The following CHSY3 variants were observed in gnomAD, a reference collection of about 807,000 sequenced individuals.
The protein encoded by CHSY3 is N-acetylgalactosaminyl-proteoglycan 3-beta-glucuronosyltransferase 3.
A neutral mutation model predicts 67.2 loss-of-function variants in CHSY3; 35 were observed. That is an observed-to-expected ratio of 0.52 (90% CI 0.40 to 0.69). The LOEUF is 0.69. Ranked by LOEUF, CHSY3 falls within the 30% of genes least tolerant of loss-of-function variation. CHSY3 has a pLI of 0.00. For synonymous variants in CHSY3, 474 were observed against 434.7 expected (o/e 1.09, Z -1.12); for missense variants, 1,069 against 1,138.5 (o/e 0.94, Z 0.88).
intron 2 of CHSY3, among the ~76,000 whole-genome samples, chr5:130,087,879 T>C (rs1040711971): frequency 2.6e-5 from 4 of 151,332 alleles, no homozygotes; most frequent in African/African-American, 7.3e-5. Context: ...TTAAAGTTCA[T>C]ATGGAACCAA....
At chr5:130,085,483 A>G (rs1288048003) in intron 2 of CHSY3, among the ~76,000 whole-genome samples, 9 of 151,962 alleles carry the variant, frequency 5.9e-5, no homozygotes, top group Non-Finnish European at 8.8e-5. Context: ...TATTGTGTCT[A>G]TTTGATTCTT....
intron 2 of CHSY3, among the ~76,000 whole-genome samples, chr5:130,054,125 T>C (rs1765453947): frequency 1.3e-5 from 2 of 152,176 alleles, no homozygotes; most frequent in African/African-American, 2.4e-5. Context: ...ACGCTTTGTA[T>C]CTCTTGGTAT....
intron 2 of CHSY3, among the ~76,000 whole-genome samples, chr5:130,046,948 G>T (rs1765171890): frequency 6.6e-6 from 1 of 151,332 alleles, no homozygotes; most frequent in Admixed American, 6.6e-5. Context: ...AATATAAATT[G>T]TTAAAATAAA....
At chr5:129,970,289 C>A (rs1762600464) in intron 2 of CHSY3, among the ~76,000 whole-genome samples, 2 of 151,740 alleles carry the variant, frequency 1.3e-5, no homozygotes, top group South Asian at 4.1e-4. Context: ...CAGAGCCTAG[C>A]AGAATGCCTG....
intron 2 of CHSY3, among the ~76,000 whole-genome samples, chr5:130,089,233 G>A (rs968135121): frequency 2.1e-5 from 2 of 97,186 alleles, no homozygotes; most frequent in African/African-American, 4.0e-5. Context: ...GGGGTGGGGG[G>A]TGGGGGGAGG....
At chr5:130,148,359 C>G (rs1769134856) in intron 2 of CHSY3, among the ~76,000 whole-genome samples, 1 of 152,070 alleles carries the variant, frequency 6.6e-6, no homozygotes. Context: ...GCAGTGAACA[C>G]ATGCATGTGT....
chr5:130,154,422 T>A (rs1769315701), intron 2 of CHSY3, among the ~76,000 whole-genome samples: 1 of 152,338 alleles, frequency 6.6e-6, no homozygotes, highest in South Asian at 2.1e-4. Context: ...GACAAAACAT[T>A]ATGATAGCTA....
Position 129,993,332 on chromosome 5 carries a change from G to A in CHSY3, c.1086+84972G>A, listed in dbSNP as rs545867075. 2.0e-4 allele frequency among the ~76,000 whole-genome samples: 30 copies of A among 152,214 alleles called. No homozygotes were observed. In the South Asian group the frequency reaches 4.4e-3, roughly 22 times the overall value. On this transcript the variant is annotated intron_variant, in intron 2 of 2. Coordinates refer to ENST00000305031, the MANE Select transcript of CHSY3 (RefSeq NM_175856.5). ...GGTGTTAAAGTCTCCCACTATTATT[G>A]TGTGGGAGTCTAAGTCTCTTTGTAG...
At chr5:129,932,470 T>C (rs959909567) in intron 2 of CHSY3, among the ~76,000 whole-genome samples, 1 of 152,156 alleles carries the variant, frequency 6.6e-6, no homozygotes, top group African/African-American at 2.4e-5. Flanking sequence ...CAGCCACATC[T>C]AGACTTGTGT....
rs546373303 is a variant in CHSY3 at position 129,986,522 on chromosome 5, G to A, written c.1086+78162G>A. Among the ~76,000 whole-genome samples the A allele has an allele frequency of 4.6e-5, 7 of 152,208 alleles. No individual in the cohort carries two copies. The East Asian group carries it at 1.4e-3, about 29-fold the overall frequency. On this transcript the variant is annotated intron_variant, in intron 2 of 2. Coordinates refer to ENST00000305031, the MANE Select transcript of CHSY3 (RefSeq NM_175856.5). The stretch of plus-strand genomic sequence containing the variant: ...ATGTTTCTGCCAGGTTTTGCTATCA[G>A]AATGATGCTGGCCACATAGAATGAT...
At chr5:129,975,861 A>G (rs1439669921) in intron 2 of CHSY3, among the ~76,000 whole-genome samples, 1 of 152,036 alleles carries the variant, frequency 6.6e-6, no homozygotes, top group Non-Finnish European at 1.5e-5. Flanking sequence ...GGGTTGTTGC[A>G]TGGATAAAAT....
chr5:129,969,188 C>CA (rs2149612595), intron 2 of CHSY3, among the ~76,000 whole-genome samples: 1 of 151,698 alleles, frequency 6.6e-6, no homozygotes, highest in East Asian at 1.9e-4. Flanking sequence ...AATGATACTT[C>CA]AAAAAATTTA....
At chr5:129,980,867 A>C (rs1284065983) in intron 2 of CHSY3, among the ~76,000 whole-genome samples, 1 of 152,058 alleles carries the variant, frequency 6.6e-6, no homozygotes, top group Admixed American at 6.6e-5. Flanking sequence ...CATTTGTTGA[A>C]AAAACCATAA....
chr5:130,177,582 A>G (rs893548070), intron 2 of CHSY3, among the ~76,000 whole-genome samples: 1 of 152,090 alleles, frequency 6.6e-6, no homozygotes, highest in Non-Finnish European at 1.5e-5. Flanking sequence ...TGACTATTTG[A>G]TTACTTTTTG....
At chr5:130,165,241 T>C (rs1351598901) in intron 2 of CHSY3, among the ~76,000 whole-genome samples, 1 of 152,076 alleles carries the variant, frequency 6.6e-6, no homozygotes, top group East Asian at 1.9e-4. Context: ...GCAGACAAAG[T>C]TCTTGGGATT....
chr5:130,048,243 A>G (rs1193866157), intron 2 of CHSY3, among the ~76,000 whole-genome samples: 1 of 151,972 alleles, frequency 6.6e-6, no homozygotes, highest in Non-Finnish European at 1.5e-5. Flanking sequence ...TATTATTTTT[A>G]CTATTGTGAT....
intron 2 of CHSY3, among the ~76,000 whole-genome samples, chr5:130,033,855 A>G (rs1172797719): frequency 1.3e-5 from 2 of 152,206 alleles, no homozygotes; most frequent in African/African-American, 2.4e-5. Context: ...GTACAAATCA[A>G]GAGAGTAAAT....
At chr5:130,021,246 T>C (rs2149653914) in intron 2 of CHSY3, among the ~76,000 whole-genome samples, 1 of 152,340 alleles carries the variant, frequency 6.6e-6, no homozygotes, top group Non-Finnish European at 1.5e-5. Flanking sequence ...CCATGGTTAA[T>C]ATTGCACTAA....
At position 130,131,464 on chromosome 5, in the gene CHSY3, T is replaced by G. The variant is rs373576144; in HGVS notation, c.1087-52765T>G. 1.1e-4 allele frequency among the ~76,000 whole-genome samples: 17 copies of G among 152,314 alleles called. 1 individual carries two copies. Among genetic ancestry groups the G allele is most frequent in the Admixed American group, 6.5e-4 (10 of 15,288 alleles). On this transcript the variant is annotated intron_variant, in intron 2 of 2. Transcript: ENST00000305031. ...CCTTGAAATGCCTTACATTTTCACT[T>G]AAACTTAGCATTATTACCAAGCCCA...
Sources: gnomAD v4.1 joint callset for allele counts (sites outside exome capture counted in the v4.1 genomes callset) on GRCh38, gnomAD v4.1.1 for gene constraint, MANE v1.5 for transcripts, NCBI Gene and HGNC (gene_info 2026-07-23, HGNC 2026-07-21) for gene names.